The following FOCAD variants were observed in gnomAD, a reference collection of about 807,000 sequenced individuals.
The protein encoded by FOCAD is focadhesin.
FOCAD carries 198 observed loss-of-function variants against 225.6 expected under a neutral mutation model. That is an observed-to-expected ratio of 0.88 (90% CI 0.78 to 0.99). FOCAD has a LOEUF of 0.99. FOCAD is among the 50% of genes least tolerant of loss of function. The pLI, the probability that FOCAD is intolerant of heterozygous loss-of-function variation, is 0.00. For synonymous variants in FOCAD, 897 were observed against 755.0 expected, an observed-to-expected ratio of 1.19 and a Z score of -3.08; for missense variants, 2,713 against 2,123.6, an observed-to-expected ratio of 1.28 and a Z score of -5.46.
chr9:20,853,374 C>G (rs1827858825), intron 15 of FOCAD, among the ~76,000 whole-genome samples: 1 of 151,774 alleles, frequency 6.6e-6, no homozygotes, highest in Non-Finnish European at 1.5e-5. Flanking sequence ...ATAAATGTCT[C>G]TGTTTTTACT....
chr9:20,740,387 T>A, intron 5 of FOCAD, 47 bp downstream of exon 5: 1 of 1,065,542 alleles, frequency 9.4e-7, no homozygotes. Flanking sequence ...GAATTTTTAA[T>A]GAAATTATTA....
chr9:20,946,627 T>C, intron 29 of FOCAD, 74 bp from the exon 30 acceptor site: 1 of 1,512,680 alleles, frequency 6.6e-7, no homozygotes, highest in Non-Finnish European at 8.9e-7. Context: ...TTTGACAGAA[T>C]ATCTTGTCAA....
intron 15 of FOCAD, among the ~76,000 whole-genome samples, chr9:20,856,923 C>G (rs1024940464): frequency 2.6e-5 from 4 of 151,980 alleles, no homozygotes; most frequent in Non-Finnish European, 5.9e-5. Flanking sequence ...TTTCTGCATT[C>G]TCTATTCTGT....
chr9:20,825,540 A>G (rs1257566163), intron 15 of FOCAD, among the ~76,000 whole-genome samples: 1 of 152,156 alleles, frequency 6.6e-6, no homozygotes, highest in Admixed American at 6.6e-5. Flanking sequence ...CTAATTTGGT[A>G]AAATAAAACA....
intron 1 of FOCAD, chr9:20,658,642 C>T (rs1475633175): frequency 6.5e-6 from 1 of 153,956 alleles, no homozygotes; most frequent in African/African-American, 2.4e-5. Flanking sequence ...TCGGCTCGCG[C>T]ACGGTGCATG....
At chr9:20,748,141 G>A (rs1266886200) in intron 5 of FOCAD, among the ~76,000 whole-genome samples, 1 of 152,034 alleles carries the variant, frequency 6.6e-6, no homozygotes, top group Non-Finnish European at 1.5e-5. Context: ...CATAATGTAA[G>A]TATGACACCT....
At chr9:20,946,870 C>T (rs1837235585) in intron 30 of FOCAD, 50 bp downstream of exon 30, 2 of 1,602,306 alleles carry the variant, frequency 1.2e-6, no homozygotes, top group East Asian at 4.5e-5. Flanking sequence ...CATGCTGCTG[C>T]TAAGTTTTGC....
intron 42 of FOCAD, among the ~76,000 whole-genome samples, 175 bp from the exon 43 acceptor site, chr9:20,993,078 G>T (rs573183454): frequency 5.9e-5 from 9 of 151,992 alleles, no homozygotes; most frequent in Non-Finnish European, 1.2e-4. Context: ...TCTTATGCTT[G>T]GTCCCTGTCT....
At chr9:20,673,059 T>C (rs1021212911) in intron 2 of FOCAD, among the ~76,000 whole-genome samples, 2 of 152,220 alleles carry the variant, frequency 1.3e-5, no homozygotes, top group African/African-American at 4.8e-5. Context: ...GAGTATGCAG[T>C]GGCAATGAAT....
intron 5 of FOCAD, among the ~76,000 whole-genome samples, chr9:20,756,937 GT>G (rs531276441): frequency 7.9e-5 from 12 of 151,408 alleles, no homozygotes; most frequent in African/African-American, 2.2e-4. Flanking sequence ...GCATTTTAAT[GT>G]TTTTTTTTGA....
In FOCAD at chr9:20,987,876, T is replaced by C. The variant is rs149019236; in HGVS notation, c.4907-456T>C. Among the ~76,000 whole-genome samples, 142 of 152,340 alleles carry C rather than the reference T, an allele frequency of 9.3e-4. 1 individual carries two copies. In the East Asian group the frequency reaches 0.025, roughly 27 times the overall value. ...GTCAATATTGCTGCTAATGGAAATA[T>C]AATGGCTGTATTTTGTTTTTCTTTA... On this transcript the variant is annotated intron_variant, in intron 40 of 43. Coordinates refer to ENST00000338382, the MANE Select transcript of FOCAD (RefSeq NM_001375567.1).
At chr9:20,950,868 T>C in intron 33 of FOCAD, 128 bp from the exon 34 acceptor site, 1 of 725,942 alleles carries the variant, frequency 1.4e-6, no homozygotes, top group Non-Finnish European at 2.5e-6. Flanking sequence ...TTACATCTTG[T>C]CATAGGACTG....
rs761260599 is a variant in FOCAD, at chr9:20,820,957, A to C, written c.1679A>C (p.Glu560Ala). Residue 560 changes from glutamate to alanine, a missense_variant, in exon 14 of 44, where the codon GAA becomes GCA. By Grantham distance (107) the Glu-to-Ala change is moderately radical (BLOSUM62 -1). Transcript: ENST00000338382. ...CCTTCGTAGGACCGAGTCTATCCTG[A>C]ACTGCAGCGTTTCATGGCTGTGTCT... Reference protein sequence around the residue: ...LWEKQDRVYPELQRFMAVSDV... With the variant: ...LWEKQDRVYPALQRFMAVSDV... 2.4e-5 allele frequency: 38 copies of C among 1,612,470 alleles called. 1 individual carries two copies. The South Asian group carries it at 4.2e-4, about 18-fold the overall frequency.
At chr9:20,875,167 T>A in intron 19 of FOCAD, 1 of 207,532 alleles carries the variant, frequency 4.8e-6, no homozygotes. Context: ...AGTGAAAAGA[T>A]CATTAGACTA....
At chr9:20,820,223 C>T (rs1824169162) in intron 12 of FOCAD, 101 bp from the exon 13 acceptor site, 2 of 783,556 alleles carry the variant, frequency 2.6e-6, no homozygotes, top group Non-Finnish European at 4.1e-6. Flanking sequence ...GCTTTCTTCT[C>T]AGTCTTCATT....
In FOCAD at chr9:20,907,132, G is replaced by A; in HGVS notation, c.2626-18G>A. 1 of 1,581,154 alleles carries A rather than the reference G, an allele frequency of 6.3e-7. No individual in the cohort carries two copies. Among genetic ancestry groups the A allele is most frequent in the South Asian group, 1.1e-5 (1 of 90,272 alleles). ...AATACTGTGTAGCCTAATATGTTGT[G>A]GTACATTTTTCCCATAGGTTCATAT... On this transcript the variant is annotated intron_variant, in intron 21 of 43. Transcript: ENST00000338382.
chr9:20,703,423 C>A lies in FOCAD; in HGVS notation c.-32-11899C>A, dbSNP rs115166933. 6.8e-3 allele frequency among the ~76,000 whole-genome samples: 1,040 copies of A among 152,128 alleles called. 20 individuals are homozygous for A. The highest frequency in any genetic ancestry group is 0.024 in the African/African-American group (995 of 41,492). ...TGCAAGACCAGAACCTTTTGGCCTT[C>A]CTATAGAGTTGCAGTGGGGAGCCAT... On this transcript the variant is annotated intron_variant, in intron 1 of 43. Coordinates refer to ENST00000338382, the MANE Select transcript of FOCAD (RefSeq NM_001375567.1).
intron 7 of FOCAD, among the ~76,000 whole-genome samples, chr9:20,768,466 A>T (rs1442265661): frequency 6.6e-6 from 1 of 151,692 alleles, no homozygotes; most frequent in East Asian, 1.9e-4. Context: ...TGAGCATGGA[A>T]TGTTCTTCCA....
Position 20,862,633 on chromosome 9 carries a change from C to G in FOCAD, c.1976C>G (p.Thr659Arg). The change falls in exon 16 of 44, where the codon ACA (threonine) becomes AGA (arginine). Residue 659 changes from threonine (T) to arginine (R), a missense_variant. Transcript: ENST00000338382. ...CTCTCTCCAAAGCTGAGTTGTGACA[C>G]AAGACCTCTCATTCTGAAGACACTG... ...NALSPKLSCDTRPLILKTLSE... is the reference protein window; with the variant it reads ...NALSPKLSCDRRPLILKTLSE... The G allele has an allele frequency of 2.5e-6, 4 of 1,613,662 alleles. No individual in the cohort carries two copies. Among genetic ancestry groups the G allele is most frequent in the Non-Finnish European group, 3.4e-6 (4 of 1,179,694 alleles).
Sources: gnomAD v4.1 joint callset for allele counts (sites outside exome capture counted in the v4.1 genomes callset) on GRCh38, gnomAD v4.1.1 for gene constraint, MANE v1.5 for transcripts, NCBI Gene and HGNC (gene_info 2026-07-23, HGNC 2026-07-21) for gene names.